LRRC37A2: variants seen among roughly 807,000 people sequenced by gnomAD.
The protein encoded by LRRC37A2 is leucine rich repeat containing 37 member A2.
In LRRC37A2, 9 loss-of-function variants were observed where a neutral mutation model predicts 68.8. The observed-to-expected ratio is 0.13, with a 90% CI of 0.08 to 0.23. LRRC37A2 has a LOEUF of 0.23. LRRC37A2 is among the 10% of genes least tolerant of loss of function. LRRC37A2 has a pLI of 1.00. For missense variants in LRRC37A2, 168 were observed against 950.4 expected, an observed-to-expected ratio of 0.18 and a Z score of 10.82; for synonymous variants, 63 against 367.6, an observed-to-expected ratio of 0.17 and a Z score of 9.48.
chr17:46,960,453 A>C, the LRRC37A2 span, among the ~76,000 whole-genome samples: 1 of 152,220 alleles, frequency 6.6e-6, no homozygotes, highest in African/African-American at 2.4e-5. Flanking sequence ...GCAGTGTCTT[A>C]CAGAGCTAAG....
At chr17:46,936,604 A>C in the LRRC37A2 span, 1 of 985,368 alleles carries the variant, frequency 1.0e-6, no homozygotes, top group Non-Finnish European at 1.2e-6. Context: ...AGGCTGAAGC[A>C]CTCTGATGAC....
chr17:46,872,294 A>G, the LRRC37A2 span, among the ~76,000 whole-genome samples: 1 of 152,248 alleles, frequency 6.6e-6, no homozygotes, highest in South Asian at 2.1e-4. Flanking sequence ...GTGGATAAGA[A>G]GAGCAGAGAC....
At chr17:46,956,790 T>A in the LRRC37A2 span, among the ~76,000 whole-genome samples, 1 of 152,178 alleles carries the variant, frequency 6.6e-6, no homozygotes, top group Non-Finnish European at 1.5e-5. Flanking sequence ...CACCATCTGC[T>A]CTCGTCAGCA....
the LRRC37A2 span, chr17:46,769,722 G>A: frequency 1.9e-6 from 3 of 1,594,770 alleles, no homozygotes; most frequent in South Asian, 3.3e-5. Flanking sequence ...GGCCAGGGCA[G>A]CTCCGGAGGG....
At chr17:46,961,315 A>C in the LRRC37A2 span, among the ~76,000 whole-genome samples, 1 of 152,178 alleles carries the variant, frequency 6.6e-6, no homozygotes, top group African/African-American at 2.4e-5. Context: ...AGGCAGGAGG[A>C]TCTCTTGAGG....
the LRRC37A2 span, among the ~76,000 whole-genome samples, chr17:46,883,529 C>T: frequency 1.3e-5 from 2 of 152,130 alleles, no homozygotes; most frequent in Non-Finnish European, 2.9e-5. Flanking sequence ...AGGTGATCCA[C>T]CCATCTTGGC....
At chr17:46,874,216 G>A in the LRRC37A2 span, among the ~76,000 whole-genome samples, 9 of 152,174 alleles carry the variant, frequency 5.9e-5, no homozygotes, top group Admixed American at 2.0e-4. Flanking sequence ...TCTGGAGTGG[G>A]TGGGATGGTC....
At chr17:46,626,030 G>A in the LRRC37A2 span, among the ~76,000 whole-genome samples, 2 of 148,658 alleles carry the variant, frequency 1.3e-5, no homozygotes, top group Admixed American at 1.3e-4. Context: ...TTTCTGAACA[G>A]GGAATTAGCA....
chr17:46,768,308 C>CT, the LRRC37A2 span: 1 of 1,613,346 alleles, frequency 6.2e-7, no homozygotes, highest in Admixed American at 1.7e-5. This position sits in a 1 kb window ranked among gnomAD's most constrained non-coding sequence, Gnocchi z 5.0. Context: ...TCCCGGAGCC[C>CT]TACCTGGTGC....
chr17:46,599,131 A>C, the LRRC37A2 span, among the ~76,000 whole-genome samples: 1 of 31,496 alleles, frequency 3.2e-5, no homozygotes, highest in Non-Finnish European at 5.6e-5. Context: ...TTATCTTACC[A>C]TTGAAAATTT....
the LRRC37A2 span, among the ~76,000 whole-genome samples, chr17:46,794,298 G>A: frequency 6.6e-6 from 1 of 152,168 alleles, no homozygotes; most frequent in African/African-American, 2.4e-5. Flanking sequence ...GCCAGGGCCT[G>A]AGGTCCTGCT....
the LRRC37A2 span, among the ~76,000 whole-genome samples, chr17:46,706,890 G>A: frequency 2.1e-5 from 3 of 143,608 alleles, no homozygotes; most frequent in Non-Finnish European, 3.0e-5. Flanking sequence ...TCACTCTGTC[G>A]CCCAGGTTGG....
chr17:46,529,313 G>C (rs982133521), intron 6 of LRRC37A2, among the ~76,000 whole-genome samples: 4 of 97,348 alleles, frequency 4.1e-5, no homozygotes, highest in South Asian at 3.7e-4. Context: ...ATCTAATAAG[G>C]CATATTTAAT....
chr17:46,541,397 G>T (rs1912809), intron 8 of LRRC37A2, among the ~76,000 whole-genome samples: 1 of 147,428 alleles, frequency 6.8e-6, no homozygotes, highest in Non-Finnish European at 1.5e-5. Flanking sequence ...GATTACAGGC[G>T]CATGCCACCA....
At chr17:46,880,341 C>T in the LRRC37A2 span, among the ~76,000 whole-genome samples, 4 of 152,204 alleles carry the variant, frequency 2.6e-5, no homozygotes, top group Non-Finnish European at 5.9e-5. Flanking sequence ...CTTTCTGTCT[C>T]AGGACACTTT....
the LRRC37A2 span, among the ~76,000 whole-genome samples, chr17:47,020,478 G>A: frequency 0.025 from 3,768 of 150,484 alleles, 157 homozygotes; most frequent in African/African-American, 0.084. Context: ...TCCAGAACAC[G>A]AAAATGATAG....
the LRRC37A2 span, among the ~76,000 whole-genome samples, chr17:46,968,532 C>T: frequency 1.3e-5 from 2 of 152,260 alleles, no homozygotes; most frequent in Non-Finnish European, 1.5e-5. Context: ...GAGCACCATG[C>T]CAAGCTCATC....
chr17:46,856,466 A>G, the LRRC37A2 span, among the ~76,000 whole-genome samples: 5 of 151,902 alleles, frequency 3.3e-5, no homozygotes, highest in South Asian at 1.0e-3. Flanking sequence ...GTTATATACA[A>G]TGAAATGCAT....
chr17:46,882,913 G>A, the LRRC37A2 span, among the ~76,000 whole-genome samples: 2 of 152,062 alleles, frequency 1.3e-5, no homozygotes, highest in African/African-American at 4.8e-5. Flanking sequence ...CCCCACACAG[G>A]CATTCCTGTG....
Sources: allele counts gnomAD v4.1 joint callset (sites outside exome capture counted in the v4.1 genomes callset), GRCh38; gene constraint gnomAD v4.1.1; non-coding constraint Gnocchi (gnomAD v3.1); transcripts MANE v1.5; gene names NCBI Gene and HGNC (gene_info 2026-07-23, HGNC 2026-07-21).